Variants in SPAG16 observed in about 807,000 individuals in gnomAD.
SPAG16 encodes sperm associated antigen 16.
Under a neutral mutation model 80.4 loss-of-function variants are expected in SPAG16, and 86 were observed. The ratio of observed to expected loss-of-function variants is 1.07; its 90% confidence interval spans 0.90 to 1.28. The LOEUF is 1.28. SPAG16 is among the 50% of genes most tolerant of loss of function. The pLI is 0.00. For missense variants in SPAG16, 870 were observed against 765.3 expected, an observed-to-expected ratio of 1.14 and a Z score of -1.61; for synonymous variants, 294 against 265.9, an observed-to-expected ratio of 1.11 and a Z score of -1.03.
rs1045714433 is a variant in SPAG16 at position 213,928,827 on chromosome 2, A to G, written c.1215-1133A>G. ...AATTCGGTGAGAGAAAGTACCTAAGAGAACACATTTAAAAAGCATGCAATG... is the reference window on the plus strand; with the variant it reads ...AATTCGGTGAGAGAAAGTACCTAAGGGAACACATTTAAAAAGCATGCAATG... On this transcript the variant is annotated intron_variant, in intron 11 of 15. Transcript: ENST00000331683. 2.0e-5 allele frequency among the ~76,000 whole-genome samples: 3 copies of G among 152,048 alleles called. No homozygotes were observed. In the East Asian group the frequency reaches 5.8e-4, roughly 29 times the overall value.
chr2:214,091,802 A>G (rs1328167993), intron 13 of SPAG16, among the ~76,000 whole-genome samples: 2 of 152,082 alleles, frequency 1.3e-5, no homozygotes, highest in South Asian at 2.1e-4. Flanking sequence ...TACAATTCCT[A>G]TCTTCTTCCC....
chr2:214,301,453 G>T (rs1037127638), intron 15 of SPAG16, among the ~76,000 whole-genome samples: 57 of 152,048 alleles, frequency 3.7e-4, no homozygotes, highest in African/African-American at 1.3e-3. Context: ...ACATAGTACT[G>T]GAAGTCCTAA....
At chr2:213,915,546 G>T (rs2077917322) in intron 11 of SPAG16, among the ~76,000 whole-genome samples, 2 of 152,044 alleles carry the variant, frequency 1.3e-5, no homozygotes, top group Admixed American at 1.3e-4. Flanking sequence ...TATTTGGGTT[G>T]GTTCCAAGTC....
At chr2:213,547,457 A>G (rs1240605997) in intron 10 of SPAG16, among the ~76,000 whole-genome samples, 1 of 152,140 alleles carries the variant, frequency 6.6e-6, no homozygotes, top group East Asian at 1.9e-4. Context: ...GAGCTCTTAA[A>G]TGTCAGTACT....
At chr2:213,312,899 GA>G (rs2063252813) in intron 4 of SPAG16, among the ~76,000 whole-genome samples, 1 of 151,682 alleles carries the variant, frequency 6.6e-6, no homozygotes, top group African/African-American at 2.4e-5. Flanking sequence ...CCAGAGCCTA[GA>G]ATTAAAATTA....
intron 15 of SPAG16, among the ~76,000 whole-genome samples, chr2:214,344,564 A>T (rs1182075395): frequency 2.6e-5 from 4 of 152,186 alleles, no homozygotes; most frequent in South Asian, 2.1e-4. Context: ...ATAATTTTTT[A>T]AAAATAATGA....
At chr2:213,601,424 T>G (rs1220903662) in intron 10 of SPAG16, among the ~76,000 whole-genome samples, 1 of 152,174 alleles carries the variant, frequency 6.6e-6, no homozygotes, top group Non-Finnish European at 1.5e-5. Context: ...TGTATATGTG[T>G]GTTTACGTGT....
At chr2:213,894,987 CAAAAAAAAAAAAAAAAAAAAA>C (rs71063793) in intron 11 of SPAG16, among the ~76,000 whole-genome samples, 1 of 49,288 alleles carries the variant, frequency 2.0e-5, no homozygotes, top group African/African-American at 1.2e-4. Flanking sequence ...GGCTCCATCT[CAAAAAAAAAAAAAAAAAAAAA>C]AAAAAAAAAA....
chr2:214,057,812 C>T (rs1317212694), intron 13 of SPAG16, among the ~76,000 whole-genome samples: 3 of 152,186 alleles, frequency 2.0e-5, no homozygotes, highest in Non-Finnish European at 4.4e-5. Context: ...TAACTTGCTG[C>T]AACTTCTACA....
chr2:214,026,206 A>G (rs2048119898), intron 13 of SPAG16, among the ~76,000 whole-genome samples: 1 of 151,496 alleles, frequency 6.6e-6, no homozygotes. Flanking sequence ...TTTTGCAATA[A>G]CATATATACA....
At chr2:213,922,330 T>C (rs4673792) in intron 11 of SPAG16, among the ~76,000 whole-genome samples, 88,944 of 151,988 alleles carry the variant, frequency 0.59, 27,839 homozygotes, top group South Asian at 0.84. Context: ...TTTATACTTG[T>C]GATTTAATTA....
chr2:213,962,691 G>A (rs2044509673), intron 12 of SPAG16, among the ~76,000 whole-genome samples: 1 of 152,172 alleles, frequency 6.6e-6, no homozygotes, highest in Non-Finnish European at 1.5e-5. Context: ...CCCAGTCTGT[G>A]GAGTTTGTTA....
At chr2:213,723,514 G>C (rs1401406685) in intron 10 of SPAG16, among the ~76,000 whole-genome samples, 1 of 152,142 alleles carries the variant, frequency 6.6e-6, no homozygotes, top group African/African-American at 2.4e-5. Context: ...AATGTAGAAG[G>C]ACAGAGAGCT....
chr2:213,971,765 TGTAA>T (rs2045072235), intron 12 of SPAG16, among the ~76,000 whole-genome samples: 1 of 152,170 alleles, frequency 6.6e-6, no homozygotes, highest in African/African-American at 2.4e-5. Flanking sequence ...TGAGAAACAG[TGTAA>T]GTGTTTTCCA....
chr2:213,354,537 C>G (rs996101264), intron 7 of SPAG16, among the ~76,000 whole-genome samples: 2 of 152,184 alleles, frequency 1.3e-5, no homozygotes, highest in Non-Finnish European at 2.9e-5. Context: ...TCCACATCCT[C>G]TCCAGCATCT....
At chr2:213,993,276 A>G (rs1001788101) in intron 12 of SPAG16, among the ~76,000 whole-genome samples, 7 of 152,220 alleles carry the variant, frequency 4.6e-5, no homozygotes, top group African/African-American at 1.4e-4. Flanking sequence ...TTTCAGACCC[A>G]TGCTTATAAC....
chr2:213,628,416 G>A (rs1297598866), intron 10 of SPAG16, among the ~76,000 whole-genome samples: 1 of 152,168 alleles, frequency 6.6e-6, no homozygotes, highest in African/African-American at 2.4e-5. Flanking sequence ...TATGTAGAGG[G>A]AATTTAGTCT....
intron 10 of SPAG16, among the ~76,000 whole-genome samples, chr2:213,793,558 C>G (rs1227040503): frequency 1.3e-5 from 2 of 152,148 alleles, no homozygotes; most frequent in African/African-American, 4.8e-5. Context: ...ACTTTAATAT[C>G]CTTTGAAAAA....
chr2:214,232,475 G>A (rs1473836553), intron 15 of SPAG16, among the ~76,000 whole-genome samples: 1 of 151,976 alleles, frequency 6.6e-6, no homozygotes, highest in Non-Finnish European at 1.5e-5. Context: ...AGAATTGGTA[G>A]CTATGGAAGA....
Sources: allele counts gnomAD v4.1 joint callset (sites outside exome capture counted in the v4.1 genomes callset), GRCh38; gene constraint gnomAD v4.1.1; transcripts MANE v1.5; gene names NCBI Gene and HGNC (gene_info 2026-07-23, HGNC 2026-07-21).